VPS41: variants seen among roughly 807,000 people sequenced by gnomAD.
VPS41 encodes the protein vacuolar protein sorting-associated protein 41 homolog.
Under a neutral mutation model 130.9 loss-of-function variants are expected in VPS41, and 85 were observed. The observed-to-expected ratio is 0.65, with a 90% CI of 0.55 to 0.78. The LOEUF (loss-of-function observed/expected upper bound fraction) is 0.78. VPS41 is among the 30% of genes least tolerant of loss of function. VPS41 has a pLI of 0.00. For synonymous variants in VPS41, 335 were observed against 332.9 expected (o/e 1.01, Z -0.07); for missense variants, 874 against 1,018.7 (o/e 0.86, Z 1.93).
intron 16 of VPS41, among the ~76,000 whole-genome samples, chr7:38,764,502 T>A (rs145000195): frequency 3.9e-5 from 6 of 152,252 alleles, no homozygotes; most frequent in Middle Eastern, 3.4e-3. Context: ...TTATTTTTTA[T>A]GCAGATAACT....
chr7:38,807,733 G>A (rs1784868666), intron 7 of VPS41, among the ~76,000 whole-genome samples: 1 of 152,178 alleles, frequency 6.6e-6, no homozygotes, highest in Non-Finnish European at 1.5e-5. Context: ...AACAATGACT[G>A]CAATTGTGAC....
At chr7:38,818,007 T>C (rs1420657766) in intron 6 of VPS41, 125 bp from the exon 7 acceptor site, 1 of 711,298 alleles carries the variant, frequency 1.4e-6, no homozygotes, top group African/African-American at 1.8e-5. Flanking sequence ...GGAAGTAATA[T>C]ATTCAAATCA....
intron 10 of VPS41, among the ~76,000 whole-genome samples, chr7:38,781,176 A>G (rs751486857): frequency 3.3e-4 from 51 of 152,366 alleles, no homozygotes; most frequent in Middle Eastern, 6.8e-3. Context: ...TGAAATTTTA[A>G]TAATACATAA....
Position 38,895,610 on chromosome 7 carries a change from T to A in VPS41, c.60+2481A>T, listed in dbSNP as rs1041829102. Among the ~76,000 whole-genome samples the A allele has an allele frequency of 2.6e-5, 4 of 152,298 alleles. No homozygotes were observed. The South Asian group carries it at 8.3e-4, about 32-fold the overall frequency. On this transcript the variant is annotated intron_variant, in intron 2 of 28. Coordinates refer to ENST00000310301, the MANE Select transcript of VPS41 (RefSeq NM_014396.4). ...CTGTGTGGTTTACCAGGTTTCTGCA[T>A]TTTCTTTTCTAGGAGGCATCTTTTT...
At chr7:38,735,427 T>C (rs1266628428) in intron 25 of VPS41, among the ~76,000 whole-genome samples, 1 of 152,188 alleles carries the variant, frequency 6.6e-6, no homozygotes, top group African/African-American at 2.4e-5. Flanking sequence ...AAAATAACTT[T>C]GGAAGGCATG....
chr7:38,808,234 GA>G (rs1188676900), intron 7 of VPS41, among the ~76,000 whole-genome samples: 4 of 152,014 alleles, frequency 2.6e-5, no homozygotes, highest in African/African-American at 9.7e-5. Flanking sequence ...CTGTTTTTCC[GA>G]CTGAAAATGA....
chr7:38,858,018 C>T (rs754952917), intron 4 of VPS41, among the ~76,000 whole-genome samples: 6 of 152,078 alleles, frequency 3.9e-5, no homozygotes, highest in South Asian at 2.1e-4. Context: ...ACCTGGGTTA[C>T]GATAAGGAGT....
chr7:38,734,848 T>C (rs1359889818), intron 25 of VPS41, among the ~76,000 whole-genome samples: 1 of 152,162 alleles, frequency 6.6e-6, no homozygotes, highest in Non-Finnish European at 1.5e-5. Flanking sequence ...AAGCCCCCAA[T>C]ATGACACAGG....
At chr7:38,740,295 T>C (rs1369091364) in intron 25 of VPS41, among the ~76,000 whole-genome samples, 1 of 152,098 alleles carries the variant, frequency 6.6e-6, no homozygotes, top group Non-Finnish European at 1.5e-5. Context: ...GAAGTAAAGG[T>C]CATTATCAAG....
At chr7:38,833,659 T>C (rs1411992974) in intron 4 of VPS41, among the ~76,000 whole-genome samples, 1 of 152,226 alleles carries the variant, frequency 6.6e-6, no homozygotes, top group Non-Finnish European at 1.5e-5. Context: ...TTTTGTTTTG[T>C]CTCCTTAGCA....
chr7:38,847,454 C>A (rs1785752344), intron 4 of VPS41, among the ~76,000 whole-genome samples: 1 of 152,048 alleles, frequency 6.6e-6, no homozygotes, highest in South Asian at 2.1e-4. Context: ...AACAGTAAGG[C>A]AACAGAAATG....
rs1221837404 is a variant in VPS41 at position 38,891,812 on chromosome 7, C to T, written c.60+6279G>A. 3.3e-5 allele frequency among the ~76,000 whole-genome samples: 5 copies of T among 152,190 alleles called. No individual in the cohort carries two copies. The South Asian group carries it at 1.0e-3, about 32-fold the overall frequency. On this transcript the variant is annotated intron_variant, in intron 2 of 28. Coordinates refer to ENST00000310301, the MANE Select transcript of VPS41 (RefSeq NM_014396.4). ...ATGACTAAACCTTTATTAATCAATT[C>T]ATTTCTGGATATTTAGCCTGTTTCC...
intron 25 of VPS41, among the ~76,000 whole-genome samples, chr7:38,730,091 C>T (rs1795632791): frequency 6.6e-6 from 1 of 152,096 alleles, no homozygotes. Flanking sequence ...CATAGAAGTT[C>T]ACATTAACAG....
At chr7:38,826,343 C>T (rs1452785219) in intron 5 of VPS41, among the ~76,000 whole-genome samples, 1 of 152,152 alleles carries the variant, frequency 6.6e-6, no homozygotes, top group Non-Finnish European at 1.5e-5. Flanking sequence ...AAAACATAGC[C>T]AAGGTCTATT....
At chr7:38,834,391 T>A (rs1035351405) in intron 4 of VPS41, among the ~76,000 whole-genome samples, 1 of 152,216 alleles carries the variant, frequency 6.6e-6, no homozygotes, top group Non-Finnish European at 1.5e-5. Flanking sequence ...ACAGAAAGCA[T>A]CCTTTCCTCA....
intron 13 of VPS41, 68 bp from the exon 14 acceptor site, chr7:38,771,322 G>C (rs1214766143): frequency 1.8e-6 from 2 of 1,110,646 alleles, no homozygotes; most frequent in African/African-American, 1.6e-5. Context: ...GAAAATGGGA[G>C]AAGGTGGGAG....
At chr7:38,870,823 T>TA (rs11355704) in intron 2 of VPS41, among the ~76,000 whole-genome samples, 6,288 of 96,236 alleles carry the variant, frequency 0.065, 433 homozygotes, top group African/African-American at 0.18. Flanking sequence ...TCTAATCTGT[T>TA]AAAAAAAAAA....
chr7:38,781,051 C>G (rs777702324), intron 10 of VPS41, among the ~76,000 whole-genome samples: 4 of 152,144 alleles, frequency 2.6e-5, no homozygotes, highest in South Asian at 4.1e-4. Context: ...TACTGTATAG[C>G]CTGCAGGACT....
At chr7:38,798,108 T>A (rs1189036646) in intron 7 of VPS41, among the ~76,000 whole-genome samples, 1 of 152,034 alleles carries the variant, frequency 6.6e-6, no homozygotes, top group African/African-American at 2.4e-5. Context: ...TACCATGCCT[T>A]CCTACCCCCA....
Sources: allele counts gnomAD v4.1 joint callset (sites outside exome capture counted in the v4.1 genomes callset), GRCh38; gene constraint gnomAD v4.1.1; transcripts MANE v1.5; gene names NCBI Gene and HGNC (gene_info 2026-07-23, HGNC 2026-07-21).